CCDC106: variants seen among roughly 807,000 people sequenced by gnomAD.
The protein encoded by CCDC106 is coiled-coil domain containing 106.
CCDC106 carries 17 observed loss-of-function variants against 24.7 expected under a neutral mutation model. That is an observed-to-expected ratio of 0.69 (90% CI 0.47 to 1.03). The LOEUF (loss-of-function observed/expected upper bound fraction) is 1.03. Ranked by LOEUF, CCDC106 falls within the 50% of genes least tolerant of loss-of-function variation. The pLI, the probability that CCDC106 is intolerant of heterozygous loss-of-function variation, is 0.00. For missense variants in CCDC106, 337 were observed against 388.9 expected (o/e 0.87, Z 1.12); for synonymous variants, 211 against 161.3 (o/e 1.31, Z -2.34).
Position 55,649,261 on chromosome 19 carries a change from G to A in CCDC106, c.88G>A (p.Asp30Asn), listed in dbSNP as rs1166246682. 19 of 1,614,140 alleles carry A rather than the reference G, an allele frequency of 1.2e-5. No individual in the cohort carries two copies. Among genetic ancestry groups the A allele is most frequent in the Non-Finnish European group, 1.5e-5 (18 of 1,180,010 alleles). Residue 30 changes from aspartate to asparagine, a missense_variant, in exon 2 of 5, where the codon GAC (aspartate) becomes AAC (asparagine). Physicochemically the swap from Asp to Asn is conservative, Grantham distance 23. This residue lies in a region of CCDC106 where 234 missense variants were observed against 236.5 expected (regional missense o/e 0.99). Coordinates refer to ENST00000586790, the MANE Select transcript of CCDC106 (RefSeq NM_001370470.1). Reference protein sequence around the residue: ...SIPFDEAPHLDPQIFYSLSPS... With the variant: ...SIPFDEAPHLNPQIFYSLSPS... ...TCCCTTCGATGAGGCACCCCACCTAGACCCACAGATCTTTTACAGTCTGAG... is the reference window on the plus strand; with the variant it reads ...TCCCTTCGATGAGGCACCCCACCTAAACCCACAGATCTTTTACAGTCTGAG...
chr19:55,653,013 G>C lies in CCDC106; in HGVS notation c.*267G>C. On this transcript the variant is annotated 3_prime_UTR_variant, in exon 5 of 5. Coordinates refer to ENST00000586790, the MANE Select transcript of CCDC106 (RefSeq NM_001370470.1). ...CCAGGCAGGCGGGTGCCCCCCCCTC[G>C]AGTGGGGGACTGTACAGACCCCGTC... 4.3e-6 allele frequency: 2 copies of C among 463,492 alleles called. No homozygotes were observed. Among genetic ancestry groups the C allele is most frequent in the Non-Finnish European group, 7.8e-6 (2 of 257,546 alleles). The allele number at this position is 463,492 out of a possible 1,614,324, so 28.7% of individuals were successfully genotyped here. A position where few individuals can be genotyped will look rare whatever the true frequency, so the allele number is the denominator to read the frequency against.
Position 55,649,042 on chromosome 19 carries a change from G to A in CCDC106, c.-5G>A. ...CGGCTGCTGGGGTCCGTAGGAAGCC[G>A]CGCCATGAATGACCGGAGCAGTCGG... On this transcript the variant is annotated 5_prime_UTR_variant, in exon 1 of 5. Transcript: ENST00000586790. The A allele has an allele frequency of 6.2e-6, 10 of 1,613,130 alleles. No homozygotes were observed. Among genetic ancestry groups the A allele is most frequent in the African/African-American group, 1.3e-5 (1 of 75,000 alleles).
Position 55,652,536 on chromosome 19 carries a change from C to T in CCDC106, c.633C>T (p.Asn211=), listed in dbSNP as rs375355890. The T allele has an allele frequency of 5.0e-6, 8 of 1,613,706 alleles. No individual in the cohort carries two copies. In the African/African-American group the frequency reaches 1.1e-4, roughly 22 times the overall value. The change falls in exon 5 of 5, where the codon AAC becomes AAT. Residue 211 remains asparagine (N), a synonymous_variant. Coordinates refer to ENST00000586790, the MANE Select transcript of CCDC106 (RefSeq NM_001370470.1). This position sits in a 1 kb window ranked among gnomAD's most constrained non-coding sequence, Gnocchi z 5.9. ...RAFEHHRVDR[N]TVALTTPIAE... ...TCGAGCACCACCGCGTGGACAGGAA[C>T]ACCGTGGCGCTGACCACGCCCATCG...
upstream of CCDC106, among the ~76,000 whole-genome samples, chr19:55,647,458 C>T (rs961950982): frequency 1.3e-5 from 2 of 152,188 alleles, no homozygotes; most frequent in African/African-American, 4.8e-5. Flanking sequence ...CAAATAATAC[C>T]AGCAGCGCTC....
chr19:55,652,536 C>A lies in CCDC106; in HGVS notation c.633C>A (p.Asn211Lys), dbSNP rs375355890. 1.2e-6 allele frequency: 2 copies of A among 1,613,706 alleles called. No individual in the cohort carries two copies. The highest frequency in any genetic ancestry group is 3.3e-5 in the Admixed American group (2 of 60,014). ...TCGAGCACCACCGCGTGGACAGGAA[C>A]ACCGTGGCGCTGACCACGCCCATCG... ...RAFEHHRVDR[N>K]TVALTTPIAE... The change falls in exon 5 of 5, where the codon AAC (asparagine) becomes AAA (lysine). Residue 211 changes from asparagine (N) to lysine (K), a missense_variant. Asn to Lys is a moderately conservative substitution (Grantham distance 94). This residue lies in a region of CCDC106 where 103 missense variants were observed against 152.4 expected (regional missense o/e 0.68). Coordinates refer to ENST00000586790, the MANE Select transcript of CCDC106 (RefSeq NM_001370470.1). The surrounding 1 kb of genome is among the most constrained non-coding windows in gnomAD (Gnocchi z 5.9).
chr19:55,652,627 C>A lies in CCDC106; in HGVS notation c.724C>A (p.Arg242Ser). ...EVGEFDPSKE[R>S]LLEYSRRCFL... ...GGGCGAGTTCGACCCCTCCAAGGAG[C>A]GCCTGCTCGAGTACTCCCGCCGCTG... is the stretch of plus-strand genomic sequence containing the variant. Residue 242 changes from arginine to serine, a missense_variant, in exon 5 of 5, where the codon CGC (arginine) becomes AGC (serine). By Grantham distance (110) the Arg-to-Ser change is moderately radical. Coordinates refer to ENST00000586790, the MANE Select transcript of CCDC106 (RefSeq NM_001370470.1). The surrounding 1 kb of genome is among the most constrained non-coding windows in gnomAD (Gnocchi z 5.9). 1 of 1,612,928 alleles carries A rather than the reference C, an allele frequency of 6.2e-7. No homozygotes were observed.
intron 1 of CCDC106, 57 bp from the exon 2 acceptor site, chr19:55,649,148 G>A: frequency 1.9e-6 from 3 of 1,610,052 alleles, no homozygotes; most frequent in Non-Finnish European, 8.5e-7. Flanking sequence ...GTGGTTGGGG[G>A]GTGGCCTGAG....
At chr19:55,651,913 C>T (rs1205758387) in intron 4 of CCDC106, among the ~76,000 whole-genome samples, 4 of 152,140 alleles carry the variant, frequency 2.6e-5, no homozygotes, top group African/African-American at 9.7e-5. Context: ...CCACCTGCCT[C>T]GGCCTCCCAA....
intron 4 of CCDC106, among the ~76,000 whole-genome samples, chr19:55,651,755 G>A (rs887381559): frequency 4.9e-4 from 74 of 152,000 alleles, no homozygotes; most frequent in Non-Finnish European, 1.2e-4. Flanking sequence ...TCCGCCTCCC[G>A]GGTCCACGCC....
At chr19:55,651,743 T>A (rs1262285553) in intron 4 of CCDC106, among the ~76,000 whole-genome samples, 3 of 151,734 alleles carry the variant, frequency 2.0e-5, no homozygotes, top group Non-Finnish European at 4.4e-5. Context: ...CTCACTGGAA[T>A]CTCCGCCTCC....
rs1983341017 is a variant in CCDC106, at chr19:55,652,166, G to T, written c.527-264G>T. On this transcript the variant is annotated intron_variant, in intron 4 of 4. Coordinates refer to ENST00000586790, the MANE Select transcript of CCDC106 (RefSeq NM_001370470.1). The surrounding 1 kb of genome is among the most constrained non-coding windows in gnomAD (Gnocchi z 5.9). Reference sequence around the variant, plus strand: ...GGGGGGTGCTGGGACCGCGTGGGTTGAACCCGGCCTCTTGGCTCATTTTGT... The same window carrying T: ...GGGGGGTGCTGGGACCGCGTGGGTTTAACCCGGCCTCTTGGCTCATTTTGT... Among the ~76,000 whole-genome samples, 1 of 151,984 alleles carries T rather than the reference G, an allele frequency of 6.6e-6. No homozygotes were observed. The highest frequency in any genetic ancestry group is 2.4e-5 in the African/African-American group (1 of 41,340).
At chr19:55,650,686 T>G (rs1458961255) in intron 3 of CCDC106, among the ~76,000 whole-genome samples, 2 of 152,184 alleles carry the variant, frequency 1.3e-5, no homozygotes, top group African/African-American at 4.8e-5. Context: ...CACTGATGGT[T>G]CCATCCTGGG....
Position 55,648,725 on chromosome 19 carries a change from A to G in CCDC106, c.-322A>G. 2.2e-6 allele frequency: 1 copy of G among 462,080 alleles called. No homozygotes were observed. The highest frequency in any genetic ancestry group is 3.9e-6 in the Non-Finnish European group (1 of 257,962). 28.6% of individuals were successfully genotyped at this position (462,080 alleles called of 1,614,324 possible). ...GACCCCTTGGGGCACCCAGCAATTTAGGGCTTCAGCTTCCTTTTCCTTCGA... is the reference window on the plus strand; with the variant it reads ...GACCCCTTGGGGCACCCAGCAATTTGGGGCTTCAGCTTCCTTTTCCTTCGA... On this transcript the variant is annotated 5_prime_UTR_variant, in exon 1 of 5. Transcript: ENST00000586790.
chr19:55,648,957 C>T lies in CCDC106; in HGVS notation c.-90C>T. 3.9e-6 allele frequency: 5 copies of T among 1,268,162 alleles called. No homozygotes were observed. Among genetic ancestry groups the T allele is most frequent in the East Asian group, 2.3e-5 (1 of 43,312 alleles). The allele number at this position is 1,268,162 out of a possible 1,614,324, so 78.6% of individuals were successfully genotyped here. A position where few individuals can be genotyped will look rare whatever the true frequency, so the allele number is the denominator to read the frequency against. On this transcript the variant is annotated 5_prime_UTR_variant, in exon 1 of 5. Transcript: ENST00000586790. The stretch of plus-strand genomic sequence containing the variant: ...TTCACCTCCCCCAGGATGGACCCTC[C>T]AGTCCATCTGCGTCTCTCCATTTGT...
rs75817303 is a variant in CCDC106 at position 55,648,587 on chromosome 19, T to C, written c.-460T>C. ...AGCGCGCACGGGCTGGACCTCCTCCTACCCTGGGAAGTTGGGGCAGTTTCC... is the reference window on the plus strand; with the variant it reads ...AGCGCGCACGGGCTGGACCTCCTCCCACCCTGGGAAGTTGGGGCAGTTTCC... On this transcript the variant is annotated 5_prime_UTR_variant, in exon 1 of 5. Coordinates refer to ENST00000586790, the MANE Select transcript of CCDC106 (RefSeq NM_001370470.1). 0.015 allele frequency: 2,868 copies of C among 185,046 alleles called. 97 individuals carry two copies. Among genetic ancestry groups the C allele is most frequent in the African/African-American group, 0.064 (2,695 of 42,162 alleles). 11.5% of individuals were successfully genotyped at this position (185,046 alleles called of 1,614,324 possible).
rs866107168 is a variant in CCDC106, at chr19:55,648,681, T to G, written c.-366T>G. On this transcript the variant is annotated 5_prime_UTR_variant, in exon 1 of 5. It removes the in-frame stop codon of an upstream open reading frame in the 5' UTR. Coordinates refer to ENST00000586790, the MANE Select transcript of CCDC106 (RefSeq NM_001370470.1). ...GAGAGAGGGTCCTTCCCCTTCAGGC[T>G]AGGTGTCCCTGGTCAGGCGACCCCT... is the stretch of plus-strand genomic sequence containing the variant. The G allele has an allele frequency of 2.7e-6, 1 of 365,184 alleles. No individual in the cohort carries two copies. Among genetic ancestry groups the G allele is most frequent in the Admixed American group, 4.4e-5 (1 of 22,782 alleles). The allele number at this position is 365,184 out of a possible 1,614,324, so 22.6% of individuals were successfully genotyped here.
At position 55,649,201 on chromosome 19, in the gene CCDC106, C is replaced by T. The variant is rs775438368; in HGVS notation, c.32-4C>T. 6.1e-5 allele frequency: 99 copies of T among 1,612,640 alleles called. 1 individual carries two copies. In the South Asian group the frequency reaches 1.0e-3, roughly 17 times the overall value. Reference sequence around the variant, plus strand: ...TGGGGTAACCCGGGGCCTCTCCTCTCCAGTGAAGGACGATGAGACCTTCGA... The same window carrying T: ...TGGGGTAACCCGGGGCCTCTCCTCTTCAGTGAAGGACGATGAGACCTTCGA... On this transcript the variant is annotated splice_polypyrimidine_tract_variant and splice_region_variant and intron_variant, in intron 1 of 4. Coordinates refer to ENST00000586790, the MANE Select transcript of CCDC106 (RefSeq NM_001370470.1).
chr19:55,651,911 C>T (rs1983316825), intron 4 of CCDC106, among the ~76,000 whole-genome samples: 2 of 152,146 alleles, frequency 1.3e-5, no homozygotes, highest in Admixed American at 1.3e-4. Flanking sequence ...ATCCACCTGC[C>T]TCGGCCTCCC....
At chr19:55,647,705 G>C (rs1982953560), upstream of CCDC106, among the ~76,000 whole-genome samples, 1 of 152,176 alleles carries the variant, frequency 6.6e-6, no homozygotes. Flanking sequence ...TCCGGGAGAG[G>C]GGTAACTCCC....
Sources: allele counts gnomAD v4.1 joint callset (sites outside exome capture counted in the v4.1 genomes callset), GRCh38; gene constraint gnomAD v4.1.1; regional missense constraint gnomAD v4.1.1; non-coding constraint Gnocchi (gnomAD v3.1); transcripts MANE v1.5; gene names NCBI Gene and HGNC (gene_info 2026-07-23, HGNC 2026-07-21).